OSTF1: variants seen among roughly 807,000 people sequenced by gnomAD.
OSTF1 encodes the protein osteoclast-stimulating factor 1.
A neutral mutation model predicts 37.2 loss-of-function variants in OSTF1; 27 were observed. That is an observed-to-expected ratio of 0.73 (90% CI 0.54 to 1.00). The LOEUF (loss-of-function observed/expected upper bound fraction) is 1.00, where lower values mean the gene tolerates loss of function less well. Among genes scored for constraint, OSTF1 ranks in the 50% least tolerant of loss-of-function variants. OSTF1 has a pLI of 0.00. For synonymous variants in OSTF1, 82 were observed against 89.2 expected, an observed-to-expected ratio of 0.92 and a Z score of 0.46; for missense variants, 232 against 253.8, an observed-to-expected ratio of 0.91 and a Z score of 0.58.
chr9:75,139,992 A>G (rs975830663), intron 8 of OSTF1, among the ~76,000 whole-genome samples: 3 of 152,264 alleles, frequency 2.0e-5, no homozygotes, highest in African/African-American at 4.8e-5. Context: ...GTGCCCGTCA[A>G]TACAGGAGTA....
chr9:75,094,502 G>A (rs2118376507), intron 1 of OSTF1, among the ~76,000 whole-genome samples: 1 of 152,090 alleles, frequency 6.6e-6, no homozygotes, highest in South Asian at 2.1e-4. Context: ...CTCCCTTCTG[G>A]AAATACTGGG....
intron 1 of OSTF1, among the ~76,000 whole-genome samples, chr9:75,100,475 A>G (rs1260022631): frequency 6.6e-6 from 1 of 152,098 alleles, no homozygotes; most frequent in Non-Finnish European, 1.5e-5. Context: ...CACGCCTGTA[A>G]TCCCAACAGT....
intron 1 of OSTF1, among the ~76,000 whole-genome samples, chr9:75,110,217 A>C (rs1457018886): frequency 6.6e-6 from 1 of 152,160 alleles, no homozygotes; most frequent in Admixed American, 6.5e-5. Flanking sequence ...GAGTCGTTTC[A>C]CTGCCCTAAA....
intron 2 of OSTF1, among the ~76,000 whole-genome samples, chr9:75,121,140 C>A (rs949147692): frequency 6.6e-6 from 1 of 151,964 alleles, no homozygotes; most frequent in Non-Finnish European, 1.5e-5. Context: ...GTGTTCTCAT[C>A]TGTAAAGTGA....
intron 1 of OSTF1, among the ~76,000 whole-genome samples, chr9:75,116,606 T>C (rs1157018568): frequency 1.6e-5 from 1 of 63,146 alleles, no homozygotes; most frequent in African/African-American, 6.0e-5. Context: ...CAATGGGTCC[T>C]TTTTTTTTTT....
At chr9:75,090,198 C>T (rs1564150597) in intron 1 of OSTF1, among the ~76,000 whole-genome samples, 2 of 152,024 alleles carry the variant, frequency 1.3e-5, no homozygotes, top group African/African-American at 4.8e-5. Flanking sequence ...TTCTGATCAC[C>T]TGCTGCCAGT....
At chr9:75,139,027 C>CTTCT (rs201231543) in intron 8 of OSTF1, among the ~76,000 whole-genome samples, 15,698 of 120,532 alleles carry the variant, frequency 0.13, 1,645 homozygotes, top group Middle Eastern at 0.19. Flanking sequence ...TTTGGGGACA[C>CTTCT]TTCTTTCTTT....
At chr9:75,140,683 G>T (rs770691976) in intron 8 of OSTF1, 151 bp from the exon 9 acceptor site, 2 of 554,804 alleles carry the variant, frequency 3.6e-6, no homozygotes, top group Non-Finnish European at 6.5e-6. Context: ...TATACTGCAT[G>T]AGAAAGTTTA....
At chr9:75,146,485 G>A (rs550555587) in intron 9 of OSTF1, among the ~76,000 whole-genome samples, 198 bp from the exon 10 acceptor site, 15 of 152,150 alleles carry the variant, frequency 9.9e-5, no homozygotes, top group African/African-American at 3.1e-4. Flanking sequence ...ACTGTGGAAC[G>A]CATCATCAGC....
chr9:75,126,917 G>A (rs1392001462), intron 2 of OSTF1, among the ~76,000 whole-genome samples: 1 of 152,148 alleles, frequency 6.6e-6, no homozygotes, highest in Non-Finnish European at 1.5e-5. Flanking sequence ...ACATTTGGTT[G>A]GTACAGGCCA....
intron 7 of OSTF1, among the ~76,000 whole-genome samples, chr9:75,134,672 G>A (rs189078402): frequency 1.4e-3 from 207 of 152,262 alleles, no homozygotes; most frequent in Non-Finnish European, 2.6e-3. Flanking sequence ...TTGTCTTCAT[G>A]TGTACTTTGG....
intron 8 of OSTF1, among the ~76,000 whole-genome samples, chr9:75,140,127 G>A (rs180862867): frequency 6.6e-6 from 1 of 152,292 alleles, no homozygotes; most frequent in East Asian, 1.9e-4. Flanking sequence ...AGACCAATAC[G>A]TGTAGTACGA....
chr9:75,117,488 T>C lies in OSTF1; in HGVS notation c.35-16T>C, dbSNP rs1443274836. The C allele has an allele frequency of 6.2e-7, 1 of 1,600,350 alleles. No individual in the cohort carries two copies. Among genetic ancestry groups the C allele is most frequent in the South Asian group, 1.1e-5 (1 of 90,078 alleles). Reference sequence around the variant, plus strand: ...GGAATGAAAAATTCAGTTGTTGTTTTTTCTTCCTTTTTTAGGGCAAGTTAA... The same window carrying C: ...GGAATGAAAAATTCAGTTGTTGTTTCTTCTTCCTTTTTTAGGGCAAGTTAA... On this transcript the variant is annotated splice_polypyrimidine_tract_variant and intron_variant, in intron 1 of 9. Transcript: ENST00000346234.
chr9:75,090,410 C>G (rs1824951759), intron 1 of OSTF1, among the ~76,000 whole-genome samples: 1 of 152,022 alleles, frequency 6.6e-6, no homozygotes, highest in African/African-American at 2.4e-5. Flanking sequence ...GATACATTCC[C>G]AGGAACCTCC....
intron 9 of OSTF1, among the ~76,000 whole-genome samples, chr9:75,143,384 C>T (rs571063264): frequency 6.6e-6 from 1 of 152,270 alleles, no homozygotes; most frequent in East Asian, 1.9e-4. Flanking sequence ...TAAGTAAGTA[C>T]ATAAATCTTA....
At chr9:75,141,914 A>AT (rs558767431) in intron 9 of OSTF1, among the ~76,000 whole-genome samples, 9 of 149,426 alleles carry the variant, frequency 6.0e-5, no homozygotes, top group Admixed American at 4.7e-4. Context: ...TGCCCAGCTA[A>AT]TTTTTTTTTT....
At chr9:75,127,266 A>G (rs1047570625) in intron 2 of OSTF1, among the ~76,000 whole-genome samples, 3 of 152,166 alleles carry the variant, frequency 2.0e-5, no homozygotes, top group African/African-American at 7.2e-5. Context: ...GAATTTCTAC[A>G]AGGAAGAAGT....
rs1824853121 is a variant in OSTF1 at position 75,088,600 on chromosome 9, A to G, written c.-93A>G. 2 of 1,374,670 alleles carry G rather than the reference A, an allele frequency of 1.5e-6. No homozygotes were observed. The highest frequency in any genetic ancestry group is 1.2e-5 in the South Asian group (1 of 81,184). 85.2% of individuals were successfully genotyped at this position (1,374,670 alleles called of 1,614,324 possible). On this transcript the variant is annotated 5_prime_UTR_variant, in exon 1 of 10. Coordinates refer to ENST00000346234, the MANE Select transcript of OSTF1 (RefSeq NM_012383.5). Reference sequence around the variant, plus strand: ...TAGGAGGCGCACGGTTGTAAGCCAGACAAAAAGAACTGGGGTGCCCGGAGT... The same window carrying G: ...TAGGAGGCGCACGGTTGTAAGCCAGGCAAAAAGAACTGGGGTGCCCGGAGT...
chr9:75,120,584 C>T (rs776510405), intron 2 of OSTF1, among the ~76,000 whole-genome samples: 8 of 152,076 alleles, frequency 5.3e-5, no homozygotes, highest in Non-Finnish European at 7.4e-5. Flanking sequence ...CGCCTTTGTC[C>T]TTTCTCACCG....
Sources: gnomAD v4.1 joint callset for allele counts (sites outside exome capture counted in the v4.1 genomes callset) on GRCh38, gnomAD v4.1.1 for gene constraint, MANE v1.5 for transcripts, NCBI Gene and HGNC (gene_info 2026-07-23, HGNC 2026-07-21) for gene names.